The following SNTG1 variants were observed in gnomAD, a reference collection of about 807,000 sequenced individuals.
SNTG1 encodes gamma-1-syntrophin.
In SNTG1, 39 loss-of-function variants were observed where a neutral mutation model predicts 74.7. That is an observed-to-expected ratio of 0.52 (90% CI 0.40 to 0.68). SNTG1 has a LOEUF of 0.68. Ranked by LOEUF, SNTG1 falls within the 30% of genes least tolerant of loss-of-function variation. SNTG1 has a pLI of 0.00. For missense variants in SNTG1, 685 were observed against 609.5 expected, an observed-to-expected ratio of 1.12 and a Z score of -1.30; for synonymous variants, 254 against 217.1, an observed-to-expected ratio of 1.17 and a Z score of -1.49.
chr8:50,239,495 T>A (rs2086072755), intron 2 of SNTG1, among the ~76,000 whole-genome samples: 1 of 152,164 alleles, frequency 6.6e-6, no homozygotes, highest in Admixed American at 6.5e-5. Context: ...TTGTGAGAAT[T>A]CATTTACTGT....
intron 1 of SNTG1, among the ~76,000 whole-genome samples, chr8:50,139,776 C>A (rs902876962): frequency 6.6e-6 from 1 of 152,204 alleles, no homozygotes; most frequent in African/African-American, 2.4e-5. Flanking sequence ...GCCCACTGTG[C>A]ACATTCCCCA....
chr8:50,470,981 C>T (rs146622216), intron 8 of SNTG1, among the ~76,000 whole-genome samples: 135 of 152,228 alleles, frequency 8.9e-4, no homozygotes, highest in African/African-American at 3.2e-3. Flanking sequence ...CTGATTGGTG[C>T]ATTTACAAAC....
chr8:50,170,767 GC>G (rs2082777216), intron 1 of SNTG1, among the ~76,000 whole-genome samples: 1 of 152,136 alleles, frequency 6.6e-6, no homozygotes, highest in Non-Finnish European at 1.5e-5. Flanking sequence ...TAGGTTTGTG[GC>G]AAAATCCAGT....
At chr8:49,933,996 T>C (rs1262857140) in intron 1 of SNTG1, among the ~76,000 whole-genome samples, 1 of 152,222 alleles carries the variant, frequency 6.6e-6, no homozygotes, top group East Asian at 1.9e-4. Flanking sequence ...TGTTTCTTTC[T>C]TTCTGTCTCT....
At chr8:50,413,223 C>T (rs771215151) in intron 4 of SNTG1, among the ~76,000 whole-genome samples, 1 of 152,138 alleles carries the variant, frequency 6.6e-6, no homozygotes. Flanking sequence ...TGCCCATCAG[C>T]AGCTTAATGA....
chr8:49,933,946 A>C (rs1156749947), intron 1 of SNTG1, among the ~76,000 whole-genome samples: 1 of 152,186 alleles, frequency 6.6e-6, no homozygotes, highest in Non-Finnish European at 1.5e-5. Context: ...AAAAGGCATA[A>C]ATGTGAAAAG....
intron 17 of SNTG1, among the ~76,000 whole-genome samples, chr8:50,725,443 T>G (rs1320114300): frequency 6.6e-6 from 1 of 152,190 alleles, no homozygotes; most frequent in East Asian, 1.9e-4. Context: ...TATATAGTTC[T>G]ATATTATAAT....
At chr8:50,163,239 C>T (rs1269232709) in intron 1 of SNTG1, among the ~76,000 whole-genome samples, 3 of 152,262 alleles carry the variant, frequency 2.0e-5, no homozygotes, top group South Asian at 2.1e-4. Context: ...CTCGTTTCAC[C>T]CACAGAAACT....
chr8:50,425,266 T>A (rs62517651), intron 4 of SNTG1, among the ~76,000 whole-genome samples: 129,583 of 151,676 alleles, frequency 0.85, 55,478 homozygotes, highest in Non-Finnish European at 0.89. Context: ...TGACTGCTGC[T>A]GGTCACACAG....
At chr8:50,470,481 C>T (rs2093643218) in intron 8 of SNTG1, among the ~76,000 whole-genome samples, 2 of 152,104 alleles carry the variant, frequency 1.3e-5, no homozygotes, top group Non-Finnish European at 2.9e-5. Context: ...GGTTCATGGT[C>T]TTCCCGACTT....
At chr8:50,274,043 G>A (rs182103035) in intron 2 of SNTG1, among the ~76,000 whole-genome samples, 1 of 151,886 alleles carries the variant, frequency 6.6e-6, no homozygotes, top group East Asian at 1.9e-4. Context: ...TTAAATGCTG[G>A]TATATAAGAG....
In SNTG1 at chr8:50,450,669, GCTTTT is replaced by G; in HGVS notation, c.322-12_322-8del. ...TTTACAATATGCCATGGGAAACTAT[GCTTTT>G]CTTTTCATTGCAGATAAATGGCATT... On this transcript the variant is annotated splice_polypyrimidine_tract_variant and intron_variant, in intron 7 of 18. Coordinates refer to ENST00000642720, the MANE Select transcript of SNTG1 (RefSeq NM_018967.5). The G allele has an allele frequency of 1.9e-6, 3 of 1,613,434 alleles. No individual in the cohort carries two copies. The highest frequency in any genetic ancestry group is 2.5e-6 in the Non-Finnish European group (3 of 1,179,738).
chr8:50,378,420 G>C (rs2092425825), intron 2 of SNTG1, among the ~76,000 whole-genome samples: 1 of 152,154 alleles, frequency 6.6e-6, no homozygotes, highest in Admixed American at 6.5e-5. Context: ...CCTGCAACAT[G>C]ATGAGCAAGG....
At chr8:50,290,506 G>T (rs1213344814) in intron 2 of SNTG1, among the ~76,000 whole-genome samples, 1 of 152,158 alleles carries the variant, frequency 6.6e-6, no homozygotes, top group East Asian at 1.9e-4. Flanking sequence ...TTTAAGGAAA[G>T]TCCAGTCTTT....
chr8:50,736,807 C>G (rs2095529990), intron 17 of SNTG1, among the ~76,000 whole-genome samples: 1 of 152,064 alleles, frequency 6.6e-6, no homozygotes, highest in Admixed American at 6.6e-5. Flanking sequence ...ACTGAACAAC[C>G]TGCTCCTGAA....
At chr8:49,941,117 A>G (rs1563374271) in intron 1 of SNTG1, among the ~76,000 whole-genome samples, 1 of 151,992 alleles carries the variant, frequency 6.6e-6, no homozygotes, top group Non-Finnish European at 1.5e-5. Context: ...GTCCTGTAGC[A>G]CTCTGCATTC....
intron 8 of SNTG1, among the ~76,000 whole-genome samples, chr8:50,484,281 T>A (rs1418438982): frequency 6.7e-6 from 1 of 150,138 alleles, no homozygotes; most frequent in African/African-American, 2.4e-5. Flanking sequence ...AATGGCACAG[T>A]CTCAGCTCAC....
intron 1 of SNTG1, among the ~76,000 whole-genome samples, chr8:49,917,810 T>C (rs917569898): frequency 3.3e-5 from 5 of 152,140 alleles, no homozygotes; most frequent in Admixed American, 6.5e-5. Flanking sequence ...AGGCAGTTCA[T>C]GTAAGGAGGG....
chr8:50,455,027 A>G (rs867837782), intron 8 of SNTG1, among the ~76,000 whole-genome samples: 7 of 152,108 alleles, frequency 4.6e-5, no homozygotes, highest in African/African-American at 9.7e-5. Context: ...TTTTAAGAAA[A>G]CTATTAGAAA....
Sources: gnomAD v4.1 joint callset for allele counts (sites outside exome capture counted in the v4.1 genomes callset) on GRCh38, gnomAD v4.1.1 for gene constraint, MANE v1.5 for transcripts, NCBI Gene and HGNC (gene_info 2026-07-23, HGNC 2026-07-21) for gene names.